PRUNE2: variants seen among roughly 807,000 people sequenced by gnomAD.
PRUNE2 encodes the protein prune homolog 2 with BCH domain.
PRUNE2 carries 164 observed loss-of-function variants against 252.0 expected under a neutral mutation model. The ratio of observed to expected loss-of-function variants is 0.65; its 90% CI spans 0.57 to 0.74. The LOEUF (loss-of-function observed/expected upper bound fraction) is 0.74. Among genes scored for constraint, PRUNE2 ranks in the 30% least tolerant of loss-of-function variants. PRUNE2 has a pLI of 0.00. For missense variants in PRUNE2, 3,495 were observed against 3,711.0 expected, an observed-to-expected ratio of 0.94 and a Z score of 1.51; for synonymous variants, 1,292 against 1,350.2, an observed-to-expected ratio of 0.96 and a Z score of 0.94.
intron 9 of PRUNE2, among the ~76,000 whole-genome samples, chr9:76,691,287 C>G (rs2044697319): frequency 6.6e-6 from 1 of 152,196 alleles, no homozygotes; most frequent in South Asian, 2.1e-4. Flanking sequence ...ATGGCCAGTA[C>G]CCTGATCTCT....
At position 76,707,060 on chromosome 9, in the gene PRUNE2, A is replaced by G; in HGVS notation, c.5214T>C (p.Tyr1738=). 6.2e-7 allele frequency: 1 copy of G among 1,613,936 alleles called. No individual in the cohort carries two copies. ...VTADPKSENI[Y]DYLDSSEPAE... ...CTGGCTCTGAGCTGTCTAGGTAGTC[A>G]TAAATATTTTCAGACTTAGGATCAG... is the stretch of plus-strand genomic sequence containing the variant. Residue 1738 remains tyrosine (Y), a synonymous_variant, in exon 8 of 19, where the codon TAT becomes TAC. Coordinates refer to ENST00000376718, the MANE Select transcript of PRUNE2 (RefSeq NM_015225.3).
chr9:76,887,372 C>G (rs116107880), intron 1 of PRUNE2, among the ~76,000 whole-genome samples: 10 of 152,134 alleles, frequency 6.6e-5, no homozygotes, highest in Non-Finnish European at 1.3e-4. Context: ...ATTGATATGG[C>G]CATCAACAGA....
intron 6 of PRUNE2, among the ~76,000 whole-genome samples, chr9:76,817,266 A>G (rs950412070): frequency 1.3e-5 from 2 of 152,174 alleles, no homozygotes; most frequent in African/African-American, 4.8e-5. Flanking sequence ...CCCAAGCAGT[A>G]TACACAGGGC....
At chr9:76,661,498 C>A (rs1270677811) in intron 9 of PRUNE2, among the ~76,000 whole-genome samples, 1 of 152,198 alleles carries the variant, frequency 6.6e-6, no homozygotes, top group Non-Finnish European at 1.5e-5. Context: ...CTGCCTCAGC[C>A]TCCCAAAGTG....
At chr9:76,637,009 G>GTGTGTC (rs1554779750) in intron 14 of PRUNE2, among the ~76,000 whole-genome samples, 2 of 150,288 alleles carry the variant, frequency 1.3e-5, no homozygotes, top group Non-Finnish European at 3.0e-5. Context: ...GTGTGTGTGT[G>GTGTGTC]TATAATTTTA....
intron 4 of PRUNE2, among the ~76,000 whole-genome samples, chr9:76,829,016 C>CAA (rs1185924670): frequency 0.025 from 2,373 of 95,004 alleles, 127 homozygotes; most frequent in African/African-American, 0.08. Context: ...CACTCTGTCT[C>CAA]AAAAAAAAAA....
chr9:76,753,917 C>T (rs1251237777), intron 6 of PRUNE2, among the ~76,000 whole-genome samples: 1 of 98,736 alleles, frequency 1.0e-5, no homozygotes, highest in South Asian at 3.2e-4. Flanking sequence ...GACTCTGTCT[C>T]AGAAAAAAAA....
At chr9:76,870,617 C>T (rs2061137658) in intron 1 of PRUNE2, among the ~76,000 whole-genome samples, 1 of 149,776 alleles carries the variant, frequency 6.7e-6, no homozygotes, top group Admixed American at 6.7e-5. Context: ...ACCCGGGAGG[C>T]GGAGCTTGCA....
chr9:76,633,858 G>A (rs1029752731), intron 15 of PRUNE2, among the ~76,000 whole-genome samples: 1 of 152,188 alleles, frequency 6.6e-6, no homozygotes, highest in Non-Finnish European at 1.5e-5. Context: ...GCTCATGCCT[G>A]TAATCTCAGC....
In PRUNE2 at chr9:76,879,239, GAA is replaced by G. The variant is rs1447884603; in HGVS notation, c.37-25033_37-25032del. On this transcript the variant is annotated intron_variant, in intron 1 of 18. Coordinates refer to ENST00000376718, the MANE Select transcript of PRUNE2 (RefSeq NM_015225.3). ...GAGAGACAGAGAAAGAAAACAGACA[GAA>G]AGAGATGTTTTGCAAACTTATTTGA... Among the ~76,000 whole-genome samples the G allele has an allele frequency of 2.6e-5, 4 of 152,216 alleles. No homozygotes were observed. The East Asian group carries it at 7.7e-4, about 29-fold the overall frequency.
intron 1 of PRUNE2, chr9:76,863,322 C>T (rs954969355): frequency 7.9e-5 from 12 of 152,014 alleles, no homozygotes; most frequent in African/African-American, 1.2e-4. Flanking sequence ...TCATGTTGAT[C>T]GGTAATGTTG....
chr9:76,841,223 TC>T (rs200005315), intron 4 of PRUNE2, among the ~76,000 whole-genome samples: 2,342 of 152,054 alleles, frequency 0.015, 29 homozygotes, highest in Non-Finnish European at 0.025. Flanking sequence ...GTCGGGGAAC[TC>T]CCTCCCCTAG....
intron 4 of PRUNE2, among the ~76,000 whole-genome samples, chr9:76,828,597 A>G (rs1385488008): frequency 6.6e-6 from 1 of 152,212 alleles, no homozygotes; most frequent in African/African-American, 2.4e-5. Context: ...AAAAGGAAAG[A>G]ACAGTCAGCA....
chr9:76,896,893 T>C (rs763392592), intron 1 of PRUNE2, among the ~76,000 whole-genome samples: 5 of 152,218 alleles, frequency 3.3e-5, no homozygotes, highest in Non-Finnish European at 5.9e-5. Flanking sequence ...TAAAAATGCA[T>C]TCTTGTTCTT....
intron 18 of PRUNE2, among the ~76,000 whole-genome samples, chr9:76,619,057 A>G (rs1830940154): frequency 6.6e-6 from 1 of 152,194 alleles, no homozygotes; most frequent in Non-Finnish European, 1.5e-5. Flanking sequence ...TCTTGCCCAA[A>G]TGTTCTTACA....
chr9:76,721,479 A>G (rs73650286), intron 6 of PRUNE2, among the ~76,000 whole-genome samples: 4,143 of 152,300 alleles, frequency 0.027, 164 homozygotes, highest in African/African-American at 0.092. Context: ...TAATGTCAGG[A>G]ACAAGCAATT....
At chr9:76,806,596 C>T (rs1269265861) in intron 6 of PRUNE2, among the ~76,000 whole-genome samples, 1 of 151,292 alleles carries the variant, frequency 6.6e-6, no homozygotes, top group Non-Finnish European at 1.5e-5. Context: ...CAAGCTCCGC[C>T]TCCCGGGTTC....
At chr9:76,827,025 C>T (rs1457641008) in intron 4 of PRUNE2, among the ~76,000 whole-genome samples, 3 of 152,166 alleles carry the variant, frequency 2.0e-5, no homozygotes, top group East Asian at 1.9e-4. Context: ...CCCAACCCCA[C>T]ACAAACACAC....
At chr9:76,616,582 G>T (rs190942080) in intron 18 of PRUNE2, among the ~76,000 whole-genome samples, 2 of 152,200 alleles carry the variant, frequency 1.3e-5, no homozygotes, top group South Asian at 2.1e-4. Context: ...ATTATTTTTC[G>T]TACTGACTTT....
Sources: gnomAD v4.1 joint callset for allele counts (sites outside exome capture counted in the v4.1 genomes callset) on GRCh38, gnomAD v4.1.1 for gene constraint, MANE v1.5 for transcripts, NCBI Gene and HGNC (gene_info 2026-07-23, HGNC 2026-07-21) for gene names.